The following BIN1 variants were observed in gnomAD, a reference collection of about 807,000 sequenced individuals.
BIN1 encodes the protein bridging integrator 1.
A neutral mutation model predicts 82.0 loss-of-function variants in BIN1; 53 were observed. The ratio of observed to expected loss-of-function variants is 0.65; its 90% CI spans 0.52 to 0.81. BIN1 has a LOEUF of 0.81. BIN1 is among the 40% of genes least tolerant of loss of function. The pLI, the probability that BIN1 is intolerant of heterozygous loss-of-function variation, is 0.00. For synonymous variants in BIN1, 302 were observed against 328.0 expected (o/e 0.92, Z 0.86); for missense variants, 642 against 784.4 (o/e 0.82, Z 2.17).
chr2:127,093,324 A>G lies in BIN1; in HGVS notation c.84+13536T>C, dbSNP rs918819820. 6.6e-6 allele frequency among the ~76,000 whole-genome samples: 1 copy of G among 152,164 alleles called. No homozygotes were observed. Among genetic ancestry groups the G allele is most frequent in the African/African-American group, 2.4e-5 (1 of 41,434 alleles). ...CTCTCTCCCCTCTTTTTCCCTGCCC[A>G]GGTGAGTCATCAAAACTGGAATTTT... On this transcript the variant is annotated intron_variant, in intron 1 of 18. Transcript: ENST00000316724. The surrounding 1 kb of genome is among the most constrained non-coding windows in gnomAD (Gnocchi z 5.7).
At chr2:127,106,365 G>T (rs1681123960) in intron 1 of BIN1, among the ~76,000 whole-genome samples, 1 of 152,230 alleles carries the variant, frequency 6.6e-6, no homozygotes, top group African/African-American at 2.4e-5. Context: ...GGAACTGTGG[G>T]TGCCGGTTCG....
In BIN1 at chr2:127,060,528, A is replaced by G. The variant is rs1267275658; in HGVS notation, c.858-1373T>C. 7.5e-6 allele frequency: 12 copies of G among 1,606,604 alleles called. No individual in the cohort carries two copies. In the African/African-American group the frequency reaches 1.3e-4, roughly 18 times the overall value. On this transcript the variant is annotated intron_variant, in intron 10 of 18. Coordinates refer to ENST00000316724, the MANE Select transcript of BIN1 (RefSeq NM_139343.3). ...TTAGTGGCACCTGGGAGCAGGGCGC[A>G]AGGCGCATGCACAGGGCCAGCCAGG...
At position 127,100,999 on chromosome 2, in the gene BIN1, C is replaced by CGGGG. The variant is rs1553487375; in HGVS notation, c.84+5857_84+5860dup. Among the ~76,000 whole-genome samples, 134 of 101,410 alleles carry CGGGG rather than the reference C, an allele frequency of 1.3e-3. 4 individuals carry two copies. Among genetic ancestry groups the CGGGG allele is most frequent in the African/African-American group, 6.0e-3 (119 of 19,886 alleles). 66.5% of individuals were successfully genotyped at this position (101,410 alleles called of 152,430 possible). On this transcript the variant is annotated intron_variant, in intron 1 of 18. Transcript: ENST00000316724. ...AGACTTGCCCAAGGGTAGGAATGTG[C>CGGGG]GGGGGGTGGGGATAGACTCAAACTC...
rs1416302150 is a variant in BIN1, at chr2:127,057,301, T to C, written c.1131+172A>G. On this transcript the variant is annotated intron_variant, in intron 12 of 18. Coordinates refer to ENST00000316724, the MANE Select transcript of BIN1 (RefSeq NM_139343.3). The surrounding 1 kb of genome is among the most constrained non-coding windows in gnomAD (Gnocchi z 5.0). ...TTAGTACATGCTCAGAGATGGGTGATGGAGGATGATGGAGGATGATGGATG... is the reference window on the plus strand; with the variant it reads ...TTAGTACATGCTCAGAGATGGGTGACGGAGGATGATGGAGGATGATGGATG... 6.6e-6 allele frequency among the ~76,000 whole-genome samples: 1 copy of C among 152,024 alleles called. No homozygotes were observed. Among genetic ancestry groups the C allele is most frequent in the Non-Finnish European group, 1.5e-5 (1 of 67,966 alleles).
At chr2:127,070,416 G>A (rs1685724329) in intron 4 of BIN1, 137 bp downstream of exon 4, 3 of 1,046,852 alleles carry the variant, frequency 2.9e-6, no homozygotes, top group Non-Finnish European at 4.3e-6. Context: ...GAGAGGGAGG[G>A]CAGCTTGCCC....
intron 5 of BIN1, among the ~76,000 whole-genome samples, chr2:127,069,468 C>T (rs1193436554): frequency 6.6e-6 from 1 of 152,176 alleles, no homozygotes; most frequent in Admixed American, 6.5e-5. Context: ...GTGCACGTTA[C>T]CGGGGACCAC....
Position 127,072,876 on chromosome 2 carries a change from T to A in BIN1, c.166-2060A>T, listed in dbSNP as rs541855955. On this transcript the variant is annotated intron_variant, in intron 2 of 18. Transcript: ENST00000316724. ...ACACAGCCACCCTAAGTCTTCACAATTAAAGGCTTTGTTGGTCGAGACGAG... is the reference window on the plus strand; with the variant it reads ...ACACAGCCACCCTAAGTCTTCACAAATAAAGGCTTTGTTGGTCGAGACGAG... Among the ~76,000 whole-genome samples, 11 of 152,268 alleles carry A rather than the reference T, an allele frequency of 7.2e-5. No individual in the cohort carries two copies. The South Asian group carries it at 2.3e-3, about 32-fold the overall frequency.
chr2:127,072,162 C>T (rs1685971155), intron 2 of BIN1, among the ~76,000 whole-genome samples: 1 of 152,238 alleles, frequency 6.6e-6, no homozygotes, highest in Non-Finnish European at 1.5e-5. Flanking sequence ...GCGCAAGAGC[C>T]GGAAGGTGGG....
rs547913154 is a variant in BIN1, at chr2:127,077,745, GGA to G, written c.85-1041_85-1040del. 1.8e-4 allele frequency among the ~76,000 whole-genome samples: 28 copies of G among 152,294 alleles called. No homozygotes were observed. In the East Asian group the frequency reaches 5.0e-3, roughly 27 times the overall value. ...ATGAGGAGTGCCAGATGGGTTTGCA[GGA>G]GAGCAGAGGGGAAGACCAGGGTGGC... On this transcript the variant is annotated intron_variant, in intron 1 of 18. Transcript: ENST00000316724.
At chr2:127,073,224 G>A (rs1573665222) in intron 2 of BIN1, among the ~76,000 whole-genome samples, 1 of 152,194 alleles carries the variant, frequency 6.6e-6, no homozygotes. Context: ...TCAGTCCCCA[G>A]GGTAGACACA....
chr2:127,050,972 C>T (rs1253165631), intron 16 of BIN1, 60 bp from the exon 17 acceptor site: 2 of 1,568,590 alleles, frequency 1.3e-6, no homozygotes, highest in Admixed American at 1.7e-5. Context: ...GCCAGGGCCA[C>T]CGAGGAGAAG....
chr2:127,102,749 G>C (rs923997122), intron 1 of BIN1, among the ~76,000 whole-genome samples: 1 of 152,218 alleles, frequency 6.6e-6, no homozygotes, highest in Non-Finnish European at 1.5e-5. Context: ...ACACACACCT[G>C]GGCCCACCCA....
intron 16 of BIN1, 102 bp downstream of exon 16, chr2:127,051,052 G>T: frequency 6.5e-7 from 1 of 1,543,492 alleles, no homozygotes; most frequent in South Asian, 1.1e-5. Flanking sequence ...TCCTCAACAG[G>T]AGCCAGGCCT....
At chr2:127,100,891 G>A (rs190671778) in intron 1 of BIN1, among the ~76,000 whole-genome samples, 118 of 151,960 alleles carry the variant, frequency 7.8e-4, no homozygotes, top group Admixed American at 1.4e-3. Flanking sequence ...AGCACATTTC[G>A]ATTTCGTCTT....
At chr2:127,051,112 C>T (rs1422012031) in intron 16 of BIN1, 42 bp downstream of exon 16, 13 of 1,607,716 alleles carry the variant, frequency 8.1e-6, no homozygotes, top group South Asian at 3.3e-5. Context: ...GGCAGGCGGG[C>T]GGCAGGGAGG....
chr2:127,052,777 A>G, intron 14 of BIN1: 1 of 277,156 alleles, frequency 3.6e-6, no homozygotes, highest in South Asian at 4.4e-5. Context: ...AGGGGGTCTC[A>G]GGGACAGAGC....
In BIN1 at chr2:127,067,668, G is replaced by A. The variant is rs1220406541; in HGVS notation, c.612+495C>T. Among the ~76,000 whole-genome samples, 10 of 152,338 alleles carry A rather than the reference G, an allele frequency of 6.6e-5. No homozygotes were observed. The South Asian group carries it at 2.1e-3, about 32-fold the overall frequency. ...AATGACGCAGGGGCTTCAGTCAGGA[G>A]AGCCCCAACCCTGCCCCTAACCGGC... On this transcript the variant is annotated intron_variant, in intron 7 of 18. Coordinates refer to ENST00000316724, the MANE Select transcript of BIN1 (RefSeq NM_139343.3). The surrounding 1 kb of genome is among the most constrained non-coding windows in gnomAD (Gnocchi z 4.7).
chr2:127,071,067 A>G (rs1435971291), intron 2 of BIN1, among the ~76,000 whole-genome samples: 1 of 152,144 alleles, frequency 6.6e-6, no homozygotes, highest in Non-Finnish European at 1.5e-5. Context: ...CCCAGGAAGG[A>G]AGGCAGGAAG....
At chr2:127,075,689 C>T (rs1424645393) in intron 2 of BIN1, among the ~76,000 whole-genome samples, 2 of 150,942 alleles carry the variant, frequency 1.3e-5, no homozygotes, top group African/African-American at 4.9e-5. Flanking sequence ...GCCCTCCCAG[C>T]TGCTCCCAGC....
Sources: gnomAD v4.1 joint callset for allele counts (sites outside exome capture counted in the v4.1 genomes callset) on GRCh38, gnomAD v4.1.1 for gene constraint, Gnocchi (gnomAD v3.1) non-coding constraint, MANE v1.5 for transcripts, NCBI Gene and HGNC (gene_info 2026-07-23, HGNC 2026-07-21) for gene names.